The following CES4A variants were observed in gnomAD, a reference collection of about 807,000 sequenced individuals.
The protein encoded by CES4A is carboxylesterase 4A.
A neutral mutation model predicts 65.4 loss-of-function variants in CES4A; 48 were observed. The ratio of observed to expected loss-of-function variants is 0.73; its 90% CI spans 0.58 to 0.93. The LOEUF (loss-of-function observed/expected upper bound fraction) is 0.93, where lower values mean the gene tolerates loss of function less well. CES4A is among the 40% of genes least tolerant of loss of function. The pLI, the probability that CES4A is intolerant of heterozygous loss-of-function variation, is 0.00. For synonymous variants in CES4A, 247 were observed against 281.8 expected, an observed-to-expected ratio of 0.88 and a Z score of 1.24; for missense variants, 685 against 728.5, an observed-to-expected ratio of 0.94 and a Z score of 0.69.
chr16:66,995,830 G>C lies in CES4A; in HGVS notation c.260+1G>C. On this transcript the variant is annotated splice_donor_variant, in intron 2 of 13. Coordinates refer to ENST00000648724, the Ensembl canonical transcript of CES4A. LOFTEE classifies it high-confidence loss of function. ...GAGATGCTACCACCTACCCGCCTGG[G>C]TAAGAGTCAGAGGCCTGTCCACTGG... 6.2e-7 allele frequency: 1 copy of C among 1,613,106 alleles called. No individual in the cohort carries two copies. The highest frequency in any genetic ancestry group is 8.5e-7 in the Non-Finnish European group (1 of 1,179,882).
At position 67,008,968 on chromosome 16, in the gene CES4A, G is replaced by T; in HGVS notation, c.1518-6G>T. ...AGGTAATCCTCTCTTTTTTATTTCT[G>T]GGCAGAAACCCCAATGATGGGAATC... On this transcript the variant is annotated splice_polypyrimidine_tract_variant and splice_region_variant and intron_variant, in intron 13 of 13. Coordinates refer to ENST00000648724, the Ensembl canonical transcript of CES4A. The T allele has an allele frequency of 1.9e-6, 3 of 1,604,812 alleles. No individual in the cohort carries two copies. The highest frequency in any genetic ancestry group is 1.8e-5 in the Admixed American group (1 of 56,918).
At position 67,001,252 on chromosome 16, in the gene CES4A, C is replaced by G; in HGVS notation, c.537-56C>G. The G allele has an allele frequency of 6.6e-7, 1 of 1,517,538 alleles. No individual in the cohort carries two copies. The highest frequency in any genetic ancestry group is 8.8e-7 in the Non-Finnish European group (1 of 1,136,188). The allele number at this position is 1,517,538 out of a possible 1,614,324, so 94.0% of individuals were successfully genotyped here. On this transcript the variant is annotated intron_variant, in intron 4 of 13. Coordinates refer to ENST00000648724, the Ensembl canonical transcript of CES4A. This position sits in a 1 kb window ranked among gnomAD's most constrained non-coding sequence, Gnocchi z 4.1. ...GTGGGGGAAGCCCAGGAGGGCAGCC[C>G]AACGCGCCCCGACTGTCGAGGCCCG...
In CES4A at chr16:67,000,272, G is replaced by A. The variant is rs961115818; in HGVS notation, c.261-366G>A. Reference sequence around the variant, plus strand: ...TCTCCCCAGAGATGGGGATGGAGGGGAGGGACCATATTCCAGAGCTGTTTG... The same window carrying A: ...TCTCCCCAGAGATGGGGATGGAGGGAAGGGACCATATTCCAGAGCTGTTTG... On this transcript the variant is annotated intron_variant, in intron 2 of 13. Transcript: ENST00000648724. This position sits in a 1 kb window ranked among gnomAD's most constrained non-coding sequence, Gnocchi z 4.2. 2.6e-5 allele frequency among the ~76,000 whole-genome samples: 4 copies of A among 152,158 alleles called. No individual in the cohort carries two copies. The highest frequency in any genetic ancestry group is 5.9e-5 in the Non-Finnish European group (4 of 68,018).
intron 2 of CES4A, among the ~76,000 whole-genome samples, chr16:66,999,476 A>G (rs575163214): frequency 1.1e-4 from 17 of 152,342 alleles, no homozygotes; most frequent in East Asian, 5.8e-4. Context: ...AAAAACAGCC[A>G]ACTGAAATAA....
Position 67,005,477 on chromosome 16 carries a change from C to A in CES4A, c.1315+84C>A, listed in dbSNP as rs78240458. On this transcript the variant is annotated intron_variant, in intron 11 of 13. Coordinates refer to ENST00000648724, the Ensembl canonical transcript of CES4A. ...TTACCAACTGGGCTTATCGACTGCT[C>A]CCCTACCCTCTCTGTACTTCTGGGC... 4.1e-3 allele frequency: 5,372 copies of A among 1,298,070 alleles called. 177 individuals are homozygous for A. In the African/African-American group the frequency reaches 0.069, roughly 17 times the overall value. 80.4% of individuals were successfully genotyped at this position (1,298,070 alleles called of 1,614,324 possible). A position where few individuals can be genotyped will look rare whatever the true frequency, so the allele number is the denominator to read the frequency against.
Position 67,001,611 on chromosome 16 carries a change from C to T in CES4A, c.690+150C>T, listed in dbSNP as rs1051563592. 5 of 921,786 alleles carry T rather than the reference C, an allele frequency of 5.4e-6. No individual in the cohort carries two copies. The highest frequency in any genetic ancestry group is 3.1e-5 in the Admixed American group (1 of 32,034). The allele number at this position is 921,786 out of a possible 1,614,324, so 57.1% of individuals were successfully genotyped here. A position where few individuals can be genotyped will look rare whatever the true frequency, so the allele number is the denominator to read the frequency against. ...TCTCGCCCCTGCCAAGGGTACAGCCCCTCATAGCCAAGGATGTCTCCTCTG... is the reference window on the plus strand; with the variant it reads ...TCTCGCCCCTGCCAAGGGTACAGCCTCTCATAGCCAAGGATGTCTCCTCTG... On this transcript the variant is annotated intron_variant, in intron 5 of 13. Transcript: ENST00000648724. This position sits in a 1 kb window ranked among gnomAD's most constrained non-coding sequence, Gnocchi z 4.1.
chr16:67,003,502 C>T lies in CES4A; in HGVS notation c.901-13C>T. The T allele has an allele frequency of 6.2e-7, 1 of 1,612,764 alleles. No homozygotes were observed. The highest frequency in any genetic ancestry group is 8.5e-7 in the Non-Finnish European group (1 of 1,178,754). On this transcript the variant is annotated splice_polypyrimidine_tract_variant and intron_variant, in intron 7 of 13. Coordinates refer to ENST00000648724, the Ensembl canonical transcript of CES4A. This position sits in a 1 kb window ranked among gnomAD's most constrained non-coding sequence, Gnocchi z 4.2. ...GACTTCCTTTAACTCTGATCCCTTC[C>T]TCTCCCCCATAGAGATTCCTCCAAC...
Position 67,005,338 on chromosome 16 carries a change from A to G in CES4A, c.1260A>G (p.Ile420Met), listed in dbSNP as rs748444279. 2.5e-5 allele frequency: 40 copies of G among 1,614,024 alleles called. No individual in the cohort carries two copies. In the South Asian group the frequency reaches 4.4e-4, roughly 18 times the overall value. Residue 420 changes from isoleucine (I) to methionine (M), a missense_variant, in exon 11 of 14, where the codon ATA becomes ATG. Transcript: ENST00000648724. ...TGCTACGAAACCGTATGATGGACAT[A>G]GTTCAAGATGCCACTTTCGTGTATG...
At chr16:66,993,111 A>G (rs1197726422) in intron 1 of CES4A, among the ~76,000 whole-genome samples, 1 of 152,178 alleles carries the variant, frequency 6.6e-6, no homozygotes, top group East Asian at 1.9e-4. Flanking sequence ...CTGGAAGAGG[A>G]AGAAAAGAGT....
chr16:66,992,498 A>G (rs1253170719), intron 1 of CES4A, among the ~76,000 whole-genome samples: 1 of 152,168 alleles, frequency 6.6e-6, no homozygotes, highest in Non-Finnish European at 1.5e-5. Flanking sequence ...GATTCTCATC[A>G]GAGAGTGTGG....
rs949879857 is a variant in CES4A, at chr16:66,993,636, G to T, written c.59-1992G>T. On this transcript the variant is annotated intron_variant, in intron 1 of 13. Transcript: ENST00000648724. ...TGGGATTATAGGCGTGAGCCACTGC[G>T]CCTGGCCTTTTTCTGCATGTTCCTT... Among the ~76,000 whole-genome samples the T allele has an allele frequency of 5.7e-4, 87 of 152,208 alleles. 1 individual carries two copies. The highest frequency in any genetic ancestry group is 1.9e-3 in the African/African-American group (80 of 41,546).
intron 2 of CES4A, 74 bp downstream of exon 2, chr16:66,995,903 C>T: frequency 7.2e-7 from 1 of 1,386,392 alleles, no homozygotes. Context: ...CTTTGCACAG[C>T]TCACTGAGAA....
intron 13 of CES4A, chr16:67,008,021 G>A (rs1037163236): frequency 6.6e-6 from 1 of 152,200 alleles, no homozygotes; most frequent in Non-Finnish European, 1.5e-5. Context: ...TCCTGACCTT[G>A]TGATCTGCCC....
chr16:66,989,353 T>C (rs1964190046), intron 1 of CES4A, among the ~76,000 whole-genome samples: 2 of 151,088 alleles, frequency 1.3e-5, no homozygotes, highest in African/African-American at 2.4e-5. Flanking sequence ...ATTATACTAA[T>C]TATTATATAT....
chr16:67,001,978 A>G lies in CES4A; in HGVS notation c.690+517A>G, dbSNP rs962113171. On this transcript the variant is annotated intron_variant, in intron 5 of 13. Transcript: ENST00000648724. This position sits in a 1 kb window ranked among gnomAD's most constrained non-coding sequence, Gnocchi z 4.1. Reference sequence around the variant, plus strand: ...CAGGACATTGCTGGCCACAGTCATAATAATACTCAACAGCTGAGCACTTCC... The same window carrying G: ...CAGGACATTGCTGGCCACAGTCATAGTAATACTCAACAGCTGAGCACTTCC... Among the ~76,000 whole-genome samples, 3 of 152,230 alleles carry G rather than the reference A, an allele frequency of 2.0e-5. No individual in the cohort carries two copies. The highest frequency in any genetic ancestry group is 7.2e-5 in the African/African-American group (3 of 41,460).
At position 67,000,317 on chromosome 16, in the gene CES4A, AGGGGAGGGT is replaced by A. The variant is rs1265591112; in HGVS notation, c.261-316_261-308del. 1.3e-5 allele frequency among the ~76,000 whole-genome samples: 2 copies of A among 151,322 alleles called. No homozygotes were observed. Among genetic ancestry groups the A allele is most frequent in the Admixed American group, 1.3e-4 (2 of 15,206 alleles). ...TGTTTGGGAGGCAGAAGGGAGACTG[AGGGGAGGGT>A]GGGGCATGAAAGACAGGGAGGTGCC... On this transcript the variant is annotated intron_variant, in intron 2 of 13. Transcript: ENST00000648724. The surrounding 1 kb of genome is among the most constrained non-coding windows in gnomAD (Gnocchi z 4.2).
At chr16:67,007,047 CCA>C in intron 13 of CES4A, 1 of 541,420 alleles carries the variant, frequency 1.8e-6, no homozygotes, top group Non-Finnish European at 3.3e-6. Flanking sequence ...CTCAAGCATT[CCA>C]CAGTCATTCA....
chr16:66,991,504 G>A (rs1343661045), intron 1 of CES4A, among the ~76,000 whole-genome samples: 3 of 152,178 alleles, frequency 2.0e-5, no homozygotes, highest in Non-Finnish European at 4.4e-5. Context: ...GTTTTAGTTA[G>A]CACTTTATGA....
chr16:67,009,259 C>G (rs1966008313), exon 14 of CES4A: 1 of 1,019,976 alleles, frequency 9.8e-7, no homozygotes, highest in East Asian at 2.4e-5. Context: ...TTTAGAACTG[C>G]AGGAGCTCCC....
Sources: gnomAD v4.1 joint callset for allele counts (sites outside exome capture counted in the v4.1 genomes callset) on GRCh38, gnomAD v4.1.1 for gene constraint, Gnocchi (gnomAD v3.1) non-coding constraint, MANE v1.5 for transcripts, NCBI Gene and HGNC (gene_info 2026-07-23, HGNC 2026-07-21) for gene names.